Variants in SLC39A11 observed in about 807,000 individuals in gnomAD.
SLC39A11 encodes the protein zinc transporter ZIP11.
In SLC39A11, 33 loss-of-function variants were observed where a neutral mutation model predicts 36.1. The ratio of observed to expected loss-of-function variants is 0.91; its 90% CI spans 0.69 to 1.22. SLC39A11 has a LOEUF of 1.22. Ranked by LOEUF, SLC39A11 falls within the 50% of genes most tolerant of loss-of-function variation. The pLI, the probability that SLC39A11 is intolerant of heterozygous loss-of-function variation, is 0.00. For synonymous variants in SLC39A11, 166 were observed against 170.3 expected (o/e 0.97, Z 0.20); for missense variants, 432 against 430.3 (o/e 1.00, Z -0.03).
At chr17:72,758,903 G>A (rs975231669) in intron 6 of SLC39A11, among the ~76,000 whole-genome samples, 1 of 151,926 alleles carries the variant, frequency 6.6e-6, no homozygotes, top group South Asian at 2.1e-4. Context: ...AATAATCTTG[G>A]CGACAGCCTG....
At chr17:72,959,323 G>GTATATATATATATATATATATA (rs766454318) in intron 4 of SLC39A11, among the ~76,000 whole-genome samples, 1 of 81,472 alleles carries the variant, frequency 1.2e-5, no homozygotes, top group Non-Finnish European at 2.4e-5. Context: ...GTGTGTGTGT[G>GTATATATATATATATATATATA]TGTATATATA....
At chr17:72,805,206 T>G (rs1422977333) in intron 6 of SLC39A11, among the ~76,000 whole-genome samples, 1 of 152,192 alleles carries the variant, frequency 6.6e-6, no homozygotes, top group African/African-American at 2.4e-5. Context: ...GATCTCTACC[T>G]TCTTTTGGTG....
intron 5 of SLC39A11, among the ~76,000 whole-genome samples, chr17:72,886,506 C>T (rs1044839353): frequency 3.3e-5 from 5 of 152,132 alleles, no homozygotes; most frequent in Non-Finnish European, 7.3e-5. Context: ...CATTCAACTC[C>T]GCCACTCTTT....
At chr17:72,985,663 T>G (rs1331228754) in intron 4 of SLC39A11, among the ~76,000 whole-genome samples, 1 of 152,096 alleles carries the variant, frequency 6.6e-6, no homozygotes, top group Non-Finnish European at 1.5e-5. Context: ...TCCACCCACC[T>G]CAAACTCCCA....
intron 5 of SLC39A11, among the ~76,000 whole-genome samples, chr17:72,875,474 C>G (rs1271458136): frequency 6.6e-6 from 1 of 152,156 alleles, no homozygotes. Context: ...GGTTGTCCAG[C>G]TAATTTGCAA....
rs559548486 is a variant in SLC39A11 at position 72,658,565 on chromosome 17, A to G, written c.672-9297T>C. Among the ~76,000 whole-genome samples the G allele has an allele frequency of 1.6e-4, 24 of 152,238 alleles. No individual in the cohort carries two copies. In the South Asian group the frequency reaches 5.0e-3, roughly 32 times the overall value. On this transcript the variant is annotated intron_variant, in intron 7 of 9. Transcript: ENST00000255559. ...ACCCCCCACCCATCACCCATGTTAA[A>G]AGTTAGGGCCCTTGGAGGTCGCCTG...
intron 6 of SLC39A11, among the ~76,000 whole-genome samples, chr17:72,842,733 T>C (rs562047295): frequency 3.9e-5 from 6 of 152,140 alleles, no homozygotes; most frequent in Non-Finnish European, 5.9e-5. Flanking sequence ...ACAAACACCC[T>C]AGACCACCCC....
chr17:72,956,450 T>C (rs1203724914), intron 4 of SLC39A11, among the ~76,000 whole-genome samples: 1 of 152,220 alleles, frequency 6.6e-6, no homozygotes, highest in Non-Finnish European at 1.5e-5. Flanking sequence ...GGTCTCCTAC[T>C]AGCACGGCTG....
At chr17:72,966,665 G>A (rs867691375) in intron 4 of SLC39A11, among the ~76,000 whole-genome samples, 28 of 152,234 alleles carry the variant, frequency 1.8e-4, no homozygotes, top group African/African-American at 4.3e-4. Flanking sequence ...CACCTCCCGG[G>A]TTCACGCCAT....
intron 4 of SLC39A11, among the ~76,000 whole-genome samples, chr17:73,028,081 T>A (rs939294288): frequency 6.6e-6 from 1 of 152,136 alleles, no homozygotes; most frequent in Non-Finnish European, 1.5e-5. Context: ...CTGCCTTCAT[T>A]CTGCTCCTGG....
At chr17:72,666,143 A>G (rs567688106) in intron 7 of SLC39A11, among the ~76,000 whole-genome samples, 2 of 152,172 alleles carry the variant, frequency 1.3e-5, no homozygotes, top group African/African-American at 4.8e-5. Context: ...GCGACCCGTA[A>G]GTTCTTTTCC....
At chr17:72,790,487 T>C (rs192390138) in intron 6 of SLC39A11, among the ~76,000 whole-genome samples, 3 of 151,972 alleles carry the variant, frequency 2.0e-5, no homozygotes, top group Admixed American at 6.5e-5. Context: ...AATGAGAAGA[T>C]AAGAGAATCC....
intron 4 of SLC39A11, among the ~76,000 whole-genome samples, chr17:73,031,082 G>A (rs946416883): frequency 6.6e-6 from 1 of 152,114 alleles, no homozygotes; most frequent in Non-Finnish European, 1.5e-5. Context: ...TAAATGGCAG[G>A]TGTGAGCTCC....
chr17:72,696,042 C>T (rs961141644), intron 7 of SLC39A11, among the ~76,000 whole-genome samples: 1 of 152,280 alleles, frequency 6.6e-6, no homozygotes, highest in Admixed American at 6.5e-5. Flanking sequence ...GGATGCTGGG[C>T]GTGGTGAAAC....
intron 6 of SLC39A11, among the ~76,000 whole-genome samples, chr17:72,775,285 T>C (rs2076094838): frequency 6.6e-6 from 1 of 152,178 alleles, no homozygotes; most frequent in African/African-American, 2.4e-5. Context: ...GCCACTGTCC[T>C]GGGGTCCAAC....
intron 5 of SLC39A11, among the ~76,000 whole-genome samples, chr17:72,861,792 A>G (rs1322873784): frequency 7.8e-6 from 1 of 128,074 alleles, no homozygotes; most frequent in East Asian, 2.3e-4. Context: ...ATCCAATGCT[A>G]TTTCATTAAG....
At chr17:72,798,621 G>T (rs2076980586) in intron 6 of SLC39A11, among the ~76,000 whole-genome samples, 1 of 151,826 alleles carries the variant, frequency 6.6e-6, no homozygotes, top group Non-Finnish European at 1.5e-5. Context: ...CTGACCTCAG[G>T]TGATCCACCC....
At chr17:72,758,313 A>G (rs1393909721) in intron 6 of SLC39A11, among the ~76,000 whole-genome samples, 2 of 152,206 alleles carry the variant, frequency 1.3e-5, no homozygotes, top group Non-Finnish European at 2.9e-5. Flanking sequence ...ATGTGACAAT[A>G]AGACAATACT....
At chr17:72,740,132 G>C (rs1013381580) in intron 6 of SLC39A11, among the ~76,000 whole-genome samples, 1 of 126,930 alleles carries the variant, frequency 7.9e-6, no homozygotes, top group Non-Finnish European at 1.6e-5. Context: ...GCGCCATTTC[G>C]GCTCACTGCA....
Sources: allele counts gnomAD v4.1 joint callset (sites outside exome capture counted in the v4.1 genomes callset), GRCh38; gene constraint gnomAD v4.1.1; transcripts MANE v1.5; gene names NCBI Gene and HGNC (gene_info 2026-07-23, HGNC 2026-07-21).